NTM: variants seen among roughly 807,000 people sequenced by gnomAD.
NTM encodes the protein IgLON family member 2.
Under a neutral mutation model 42.1 loss-of-function variants are expected in NTM, and 13 were observed. The observed-to-expected ratio is 0.31, with a 90% CI of 0.20 to 0.49. The LOEUF (loss-of-function observed/expected upper bound fraction) is 0.49. NTM is among the 20% of genes least tolerant of loss of function. NTM has a pLI of 0.99. For missense variants in NTM, 373 were observed against 452.8 expected (o/e 0.82, Z 1.60); for synonymous variants, 187 against 179.2 (o/e 1.04, Z -0.35).
chr11:132,224,232 C>T (rs948647717), intron 4 of NTM, among the ~76,000 whole-genome samples: 7 of 152,230 alleles, frequency 4.6e-5, no homozygotes, highest in Admixed American at 1.3e-4. Flanking sequence ...CGAGGAGGCA[C>T]TCCCCTCAGG....
intron 2 of NTM, among the ~76,000 whole-genome samples, chr11:131,983,211 C>T (rs1348591221): frequency 1.3e-5 from 2 of 152,054 alleles, no homozygotes; most frequent in Non-Finnish European, 2.9e-5. Context: ...TACCTTCAAT[C>T]CTCAAATGAT....
chr11:131,619,921 C>T (rs2062352611), intron 1 of NTM, among the ~76,000 whole-genome samples: 1 of 151,854 alleles, frequency 6.6e-6, no homozygotes, highest in African/African-American at 2.4e-5. Flanking sequence ...TCTCCTGCCT[C>T]AGCCTCCTGA....
intron 1 of NTM, among the ~76,000 whole-genome samples, chr11:131,491,137 A>G (rs968271494): frequency 1.6e-5 from 2 of 121,936 alleles, no homozygotes; most frequent in Non-Finnish European, 3.9e-5. Flanking sequence ...TTCAAGACCA[A>G]CATCCTAAGA....
At chr11:132,068,348 C>CTAAATGT (rs2056840582) in intron 2 of NTM, among the ~76,000 whole-genome samples, 1 of 152,166 alleles carries the variant, frequency 6.6e-6, no homozygotes, top group Non-Finnish European at 1.5e-5. Flanking sequence ...GTCTCATCAG[C>CTAAATGT]TAAATGTCCA....
At chr11:131,504,588 G>T (rs551590619) in intron 1 of NTM, among the ~76,000 whole-genome samples, 2 of 152,270 alleles carry the variant, frequency 1.3e-5, no homozygotes, top group South Asian at 4.2e-4. Flanking sequence ...CCCACAGATG[G>T]TGTTACCAAA....
chr11:132,273,138 T>G (rs2093561205), intron 4 of NTM, among the ~76,000 whole-genome samples: 1 of 152,092 alleles, frequency 6.6e-6, no homozygotes, highest in Non-Finnish European at 1.5e-5. Context: ...TATCAAATGC[T>G]TTTACTGCAT....
intron 2 of NTM, among the ~76,000 whole-genome samples, chr11:132,006,959 C>T (rs1166239354): frequency 2.0e-5 from 3 of 152,180 alleles, no homozygotes; most frequent in African/African-American, 7.2e-5. Flanking sequence ...ACGTGTGTCA[C>T]CCTGTGGGTG....
At chr11:131,894,720 A>G (rs559916419) in intron 1 of NTM, among the ~76,000 whole-genome samples, 1 of 152,166 alleles carries the variant, frequency 6.6e-6, no homozygotes, top group East Asian at 1.9e-4. Flanking sequence ...CTCCCTATCA[A>G]ACCAGAGCAG....
intron 1 of NTM, among the ~76,000 whole-genome samples, chr11:131,528,166 GT>G (rs2050766014): frequency 6.6e-6 from 1 of 152,150 alleles, no homozygotes; most frequent in Admixed American, 6.5e-5. Flanking sequence ...CATTTTGTCT[GT>G]TTTTATTTAA....
At chr11:132,031,625 G>A (rs2075930582) in intron 2 of NTM, among the ~76,000 whole-genome samples, 1 of 152,122 alleles carries the variant, frequency 6.6e-6, no homozygotes, top group Admixed American at 6.5e-5. Flanking sequence ...AAGGTTGAGG[G>A]CAGGGAATCT....
At chr11:131,738,535 A>G (rs1015730622) in intron 1 of NTM, among the ~76,000 whole-genome samples, 1 of 152,254 alleles carries the variant, frequency 6.6e-6, no homozygotes, top group Non-Finnish European at 1.5e-5. Flanking sequence ...AGTGGCTTTT[A>G]CACTGCATTC....
chr11:132,213,883 C>T lies in NTM; in HGVS notation c.526+1736C>T, dbSNP rs1016446646. 1.7e-4 allele frequency among the ~76,000 whole-genome samples: 20 copies of T among 116,456 alleles called. 7 individuals are homozygous for T. The highest frequency in any genetic ancestry group is 4.2e-4 in the African/African-American group (14 of 33,556). The allele number at this position is 116,456 out of a possible 152,430, so 76.4% of individuals were successfully genotyped here. A position where few individuals can be genotyped will look rare whatever the true frequency, so the allele number is the denominator to read the frequency against. On this transcript the variant is annotated intron_variant, in intron 4 of 8. Transcript: ENST00000683400. ...CCAAGTAGCTGGGACTACAGGCGCCCGCCACTACGCCCGGCTAATTTTTTG... is the reference window on the plus strand; with the variant it reads ...CCAAGTAGCTGGGACTACAGGCGCCTGCCACTACGCCCGGCTAATTTTTTG...
chr11:132,015,546 T>A (rs1320327219), intron 2 of NTM, among the ~76,000 whole-genome samples: 1 of 151,974 alleles, frequency 6.6e-6, no homozygotes, highest in East Asian at 1.9e-4. Context: ...TTTCCATTTG[T>A]TTCTGACATC....
At chr11:131,773,898 C>A in intron 1 of NTM, 1 of 467,268 alleles carries the variant, frequency 2.1e-6, no homozygotes, top group Non-Finnish European at 2.8e-6. Flanking sequence ...CCTTGTGCAT[C>A]ATTCTGTCAG....
intron 1 of NTM, among the ~76,000 whole-genome samples, chr11:131,415,861 C>G (rs892596425): frequency 6.6e-6 from 1 of 152,038 alleles, no homozygotes; most frequent in African/African-American, 2.4e-5. Flanking sequence ...AGGTTTTTGC[C>G]CTCATTGTCT....
chr11:131,955,163 CCCTCAG>C (rs547628332), intron 2 of NTM, among the ~76,000 whole-genome samples: 1 of 152,188 alleles, frequency 6.6e-6, no homozygotes, highest in Non-Finnish European at 1.5e-5. Context: ...AGCACCTCCA[CCCTCAG>C]CCTCAGCCTC....
At chr11:131,747,974 A>G (rs1050777802) in intron 1 of NTM, among the ~76,000 whole-genome samples, 2 of 152,308 alleles carry the variant, frequency 1.3e-5, no homozygotes, top group Non-Finnish European at 1.5e-5. Flanking sequence ...GGCACCACAT[A>G]GCACCTGCCA....
chr11:131,517,288 G>A lies in NTM; in HGVS notation c.82+146400G>A, dbSNP rs546939757. ...TGGGAAATTCAGAATCTGGCTGCCT[G>A]AATCAGATGTGAAACAAAGACTCCA... On this transcript the variant is annotated intron_variant, in intron 1 of 8. Coordinates refer to ENST00000683400, the MANE Select transcript of NTM (RefSeq NM_001352005.2). 2.0e-5 allele frequency among the ~76,000 whole-genome samples: 3 copies of A among 152,320 alleles called. No homozygotes were observed. In the South Asian group the frequency reaches 6.2e-4, roughly 32 times the overall value.
chr11:131,851,236 T>A (rs2045497296), intron 1 of NTM, among the ~76,000 whole-genome samples: 2 of 152,106 alleles, frequency 1.3e-5, no homozygotes, highest in African/African-American at 4.8e-5. Context: ...ATCTTTGGTA[T>A]CATAGAGCAG....
Sources: allele counts gnomAD v4.1 joint callset (sites outside exome capture counted in the v4.1 genomes callset), GRCh38; gene constraint gnomAD v4.1.1; transcripts MANE v1.5; gene names NCBI Gene and HGNC (gene_info 2026-07-23, HGNC 2026-07-21).